Variants in DHX8 observed in about 807,000 individuals in gnomAD.
The protein encoded by DHX8 is ATP-dependent RNA helicase DHX8.
A neutral mutation model predicts 140.7 loss-of-function variants in DHX8; 67 were observed. The ratio of observed to expected loss-of-function variants is 0.48; its 90% confidence interval spans 0.39 to 0.58. The LOEUF is 0.58. DHX8 is among the 20% of genes least tolerant of loss of function. The pLI is 0.00. For synonymous variants in DHX8, 533 were observed against 553.2 expected, an observed-to-expected ratio of 0.96 and a Z score of 0.51; for missense variants, 887 against 1,550.7, an observed-to-expected ratio of 0.57 and a Z score of 7.19.
downstream of DHX8, chr17:43,526,458 G>T (rs984170972): frequency 3.3e-6 from 5 of 1,534,708 alleles, no homozygotes; most frequent in African/African-American, 4.1e-5. Flanking sequence ...ACTTCATCCC[G>T]CCTGGACGTG....
intron 1 of DHX8, among the ~76,000 whole-genome samples, chr17:43,484,982 A>G (rs1968050167): frequency 6.6e-6 from 1 of 152,146 alleles, no homozygotes; most frequent in Non-Finnish European, 1.5e-5. Context: ...TTTGGGGCAA[A>G]CTACATCTGG....
At chr17:43,512,238 T>G (rs1399327676) in intron 16 of DHX8, among the ~76,000 whole-genome samples, 1 of 151,558 alleles carries the variant, frequency 6.6e-6, no homozygotes, top group African/African-American at 2.4e-5. Context: ...AATACAAAAA[T>G]TAGCCAGGCA....
chr17:43,497,925 G>T (rs1039833218), intron 9 of DHX8, among the ~76,000 whole-genome samples: 1 of 152,120 alleles, frequency 6.6e-6, no homozygotes, highest in South Asian at 2.1e-4. Context: ...TTTATTTTGG[G>T]TTAAGAATTA....
intron 8 of DHX8, 112 bp downstream of exon 8, chr17:43,493,998 C>G: frequency 9.9e-7 from 1 of 1,007,514 alleles, no homozygotes; most frequent in East Asian, 2.5e-5. Flanking sequence ...CTGTATTAGT[C>G]TGTTTTCACA....
chr17:43,501,289 T>C (rs1598143184), intron 11 of DHX8, among the ~76,000 whole-genome samples: 1 of 152,146 alleles, frequency 6.6e-6, no homozygotes, highest in Middle Eastern at 3.4e-3. Context: ...TGTTCCAGCC[T>C]GAGGAGTAGC....
At chr17:43,529,649 G>A (rs762542952), downstream of DHX8, 1 of 1,613,454 alleles carries the variant, frequency 6.2e-7, no homozygotes, top group East Asian at 2.2e-5. Flanking sequence ...CTCTCGAAAT[G>A]CACCGACCCC....
chr17:43,520,033 TGAA>T, intron 18 of DHX8, 94 bp from the exon 19 acceptor site: 1 of 1,453,522 alleles, frequency 6.9e-7, no homozygotes, highest in South Asian at 1.2e-5. Context: ...TAATTGCAAT[TGAA>T]GAAATGGGAA....
rs751342267 is a variant in DHX8, at chr17:43,493,535, GGTCAAA to G, written c.963_968del (p.Lys322_Val323del). The G allele has an allele frequency of 6.2e-7, 1 of 1,614,148 alleles. No individual in the cohort carries two copies. Among genetic ancestry groups the G allele is most frequent in the Non-Finnish European group, 8.5e-7 (1 of 1,180,024 alleles). ...CTGATGTCGTGAGCAAAGGCCAGAG[GGTCAAA>G]GTCAAAGTGCTGTCCTTCACTGGGA... On this transcript the variant is annotated inframe_deletion, in exon 7 of 23. Transcript: ENST00000262415.
chr17:43,532,764 C>G, intron 2 of DHX8: 2 of 1,614,066 alleles, frequency 1.2e-6, no homozygotes, highest in Non-Finnish European at 1.7e-6. Flanking sequence ...TGGTCCACGG[C>G]TGGCTGGCCC....
chr17:43,543,588 G>C (rs1158523335), intron 3 of DHX8, among the ~76,000 whole-genome samples: 1 of 152,150 alleles, frequency 6.6e-6, no homozygotes, highest in Non-Finnish European at 1.5e-5. Context: ...AAGTCTTTGA[G>C]AGCCCACGGA....
intron 17 of DHX8, 49 bp downstream of exon 17, chr17:43,513,551 T>A (rs762980197): frequency 6.3e-7 from 1 of 1,581,074 alleles, no homozygotes; most frequent in Non-Finnish European, 8.6e-7. Flanking sequence ...GATTAGGGCC[T>A]TTCTGAAACT....
intron 3 of DHX8, among the ~76,000 whole-genome samples, chr17:43,536,845 T>C (rs35714338): frequency 0.29 from 43,424 of 152,210 alleles, 6,403 homozygotes; most frequent in African/African-American, 0.35. Flanking sequence ...TCCTAGTGTC[T>C]TCCACCTCTG....
chr17:43,528,399 C>G (rs1970690144), downstream of DHX8: 1 of 682,564 alleles, frequency 1.5e-6, no homozygotes, highest in Admixed American at 2.9e-5. Flanking sequence ...ACTGGTAGGA[C>G]AGTGGGGATC....
At chr17:43,502,843 C>T (rs964855851) in intron 11 of DHX8, among the ~76,000 whole-genome samples, 2 of 152,164 alleles carry the variant, frequency 1.3e-5, no homozygotes, top group African/African-American at 4.8e-5. Context: ...CTTCCATTTC[C>T]TCAGAATAAA....
intron 3 of DHX8, 39 bp from the exon 4 acceptor site, chr17:43,491,126 C>A (rs1968493444): frequency 3.3e-6 from 3 of 922,572 alleles, no homozygotes; most frequent in Admixed American, 5.4e-5. Context: ...AAATATATAT[C>A]TCTTTTTTTA....
At chr17:43,486,875 C>CAAA (rs34339308) in intron 1 of DHX8, among the ~76,000 whole-genome samples, 11 of 95,280 alleles carry the variant, frequency 1.2e-4, no homozygotes, top group East Asian at 3.0e-4. Flanking sequence ...GACTCCGTCT[C>CAAA]AAAAAAAAAA....
At chr17:43,494,693 C>T (rs1598129222) in intron 8 of DHX8, among the ~76,000 whole-genome samples, 1 of 146,448 alleles carries the variant, frequency 6.8e-6, no homozygotes, top group Non-Finnish European at 1.5e-5. Context: ...TGCACTCCAG[C>T]CTGGGCAACA....
At chr17:43,521,672 C>A in intron 21 of DHX8, 107 bp downstream of exon 21, 1 of 1,073,612 alleles carries the variant, frequency 9.3e-7, no homozygotes, top group Non-Finnish European at 1.4e-6. Flanking sequence ...TTTTCTCTTG[C>A]TCCTCACATA....
chr17:43,520,535 C>T (rs1970324068), intron 19 of DHX8, among the ~76,000 whole-genome samples: 1 of 152,194 alleles, frequency 6.6e-6, no homozygotes, highest in East Asian at 1.9e-4. Flanking sequence ...TCATCTACCC[C>T]AACAGTAGTT....
Sources: gnomAD v4.1 joint callset for allele counts (sites outside exome capture counted in the v4.1 genomes callset) on GRCh38, gnomAD v4.1.1 for gene constraint, MANE v1.5 for transcripts, NCBI Gene and HGNC (gene_info 2026-07-23, HGNC 2026-07-21) for gene names.